The following FERMT2 variants were observed in gnomAD, a reference collection of about 807,000 sequenced individuals.
The protein encoded by FERMT2 is FERM domain containing kindlin 2.
Under a neutral mutation model 82.7 loss-of-function variants are expected in FERMT2, and 15 were observed. That is an observed-to-expected ratio of 0.18 (90% CI 0.12 to 0.28). The LOEUF is 0.28. FERMT2 is among the 10% of genes least tolerant of loss of function. FERMT2 has a pLI of 1.00. For synonymous variants in FERMT2, 274 were observed against 271.5 expected (o/e 1.01, Z -0.09); for missense variants, 645 against 809.4 (o/e 0.80, Z 2.46).
chr14:52,859,359 C>T (rs1275902522), intron 14 of FERMT2: 1 of 451,032 alleles, frequency 2.2e-6, no homozygotes, highest in African/African-American at 2.0e-5. Context: ...AAAAAGGCAA[C>T]ATTCTAAGCA....
chr14:52,882,578 T>C (rs1886357847), intron 4 of FERMT2, among the ~76,000 whole-genome samples: 1 of 152,220 alleles, frequency 6.6e-6, no homozygotes, highest in Non-Finnish European at 1.5e-5. Context: ...CCTGTTGTCA[T>C]AATTTTTCAA....
intron 3 of FERMT2, among the ~76,000 whole-genome samples, chr14:52,911,310 T>A (rs11851905): frequency 6.6e-6 from 1 of 152,024 alleles, no homozygotes; most frequent in Non-Finnish European, 1.5e-5. Context: ...TTCTTAACCA[T>A]TAAAAAAATA....
rs773812477 is a variant in FERMT2, at chr14:52,881,032, G to C, written c.855+4C>G. 7 of 1,591,946 alleles carry C rather than the reference G, an allele frequency of 4.4e-6. No individual in the cohort carries two copies. Among genetic ancestry groups the C allele is most frequent in the Non-Finnish European group, 5.2e-6 (6 of 1,164,542 alleles). ...AAAAAAAGATCCCTTTAAACCCTCG[G>C]TACCTTTGGATTCAAATCAAAAAAG... On this transcript the variant is annotated splice_donor_region_variant and intron_variant, in intron 6 of 14. Coordinates refer to ENST00000341590, the MANE Select transcript of FERMT2 (RefSeq NM_006832.3).
At chr14:52,918,605 C>T (rs1290590427) in intron 3 of FERMT2, among the ~76,000 whole-genome samples, 1 of 152,192 alleles carries the variant, frequency 6.6e-6, no homozygotes, top group East Asian at 1.9e-4. Context: ...TTGAATACTT[C>T]CTGTCATATG....
intron 2 of FERMT2, among the ~76,000 whole-genome samples, chr14:52,924,088 A>C (rs1889114285): frequency 6.6e-6 from 1 of 152,226 alleles, no homozygotes; most frequent in Admixed American, 6.5e-5. Flanking sequence ...CGTGAATTCA[A>C]CAAATACCTG....
intron 2 of FERMT2, among the ~76,000 whole-genome samples, chr14:52,933,540 G>A (rs561989657): frequency 6.6e-5 from 10 of 151,328 alleles, no homozygotes; most frequent in East Asian, 5.9e-4. Flanking sequence ...GAGAAACCTC[G>A]TCTCTACTAA....
intron 3 of FERMT2, among the ~76,000 whole-genome samples, chr14:52,910,105 T>A (rs1283031801): frequency 6.6e-6 from 1 of 152,196 alleles, no homozygotes; most frequent in East Asian, 1.9e-4. Flanking sequence ...TCTTTATTGT[T>A]ACCACTAAAA....
rs1002964154 is a variant in FERMT2, at chr14:52,901,401, T to C, written c.392-7974A>G. Reference sequence around the variant, plus strand: ...TACTGAAGTTTAATATCCCTACCCATGGTTACACAAACACCAATCTAGGTA... The same window carrying C: ...TACTGAAGTTTAATATCCCTACCCACGGTTACACAAACACCAATCTAGGTA... On this transcript the variant is annotated intron_variant, in intron 3 of 14. Coordinates refer to ENST00000341590, the MANE Select transcript of FERMT2 (RefSeq NM_006832.3). Among the ~76,000 whole-genome samples the C allele has an allele frequency of 2.6e-5, 4 of 151,784 alleles. No homozygotes were observed. The East Asian group carries it at 5.8e-4, about 22-fold the overall frequency.
chr14:52,867,863 A>G (rs925950074), intron 10 of FERMT2, among the ~76,000 whole-genome samples: 2 of 152,122 alleles, frequency 1.3e-5, no homozygotes, highest in East Asian at 1.9e-4. Context: ...CTCCTCCCAA[A>G]TAAGTCACCC....
At chr14:52,900,746 G>A (rs889284652) in intron 3 of FERMT2, among the ~76,000 whole-genome samples, 11 of 152,080 alleles carry the variant, frequency 7.2e-5, no homozygotes, top group East Asian at 1.9e-4. Flanking sequence ...AATTTAGTCC[G>A]CCCCAGCATC....
At chr14:52,892,456 G>GT (rs11281193) in intron 4 of FERMT2, among the ~76,000 whole-genome samples, 1,781 of 133,332 alleles carry the variant, frequency 0.013, 51 homozygotes, top group African/African-American at 0.045. Flanking sequence ...GCTGTTTTTT[G>GT]TTTTTTTTTT....
chr14:52,867,254 TTTAC>T (rs1456136510), intron 10 of FERMT2, among the ~76,000 whole-genome samples: 1 of 152,108 alleles, frequency 6.6e-6, no homozygotes, highest in Non-Finnish European at 1.5e-5. Flanking sequence ...TTGTTTCTTA[TTTAC>T]TTCTCAGTGA....
intron 3 of FERMT2, among the ~76,000 whole-genome samples, chr14:52,905,596 T>C (rs796464626): frequency 1.3e-5 from 2 of 152,194 alleles, no homozygotes; most frequent in East Asian, 1.9e-4. Context: ...ACTGAAGACA[T>C]ATCCTCGAGA....
chr14:52,879,432 T>A (rs1886166128), intron 6 of FERMT2, among the ~76,000 whole-genome samples: 1 of 152,120 alleles, frequency 6.6e-6, no homozygotes, highest in Non-Finnish European at 1.5e-5. Flanking sequence ...AATGAGCATA[T>A]CCTTTCAGCA....
chr14:52,902,550 A>G (rs1432352439), intron 3 of FERMT2, among the ~76,000 whole-genome samples: 2 of 151,814 alleles, frequency 1.3e-5, no homozygotes, highest in African/African-American at 2.4e-5. Context: ...TACCTATATA[A>G]CAAACATCCA....
chr14:52,904,278 A>G (rs1265898898), intron 3 of FERMT2, among the ~76,000 whole-genome samples: 1 of 152,232 alleles, frequency 6.6e-6, no homozygotes, highest in Non-Finnish European at 1.5e-5. Flanking sequence ...GCACTTTGGG[A>G]GGCCAAGGTG....
At chr14:52,920,362 G>A (rs1343856032) in intron 2 of FERMT2, among the ~76,000 whole-genome samples, 1 of 152,204 alleles carries the variant, frequency 6.6e-6, no homozygotes, top group Non-Finnish European at 1.5e-5. Context: ...CCAGCGTGGT[G>A]GCTCATGCCT....
At chr14:52,931,138 T>C (rs1889548716) in intron 2 of FERMT2, among the ~76,000 whole-genome samples, 1 of 152,168 alleles carries the variant, frequency 6.6e-6, no homozygotes, top group Admixed American at 6.5e-5. Context: ...ATAAATACTT[T>C]CCAAGTAACT....
At chr14:52,943,971 GAAAC>G (rs916719671) in intron 2 of FERMT2, among the ~76,000 whole-genome samples, 24 of 152,162 alleles carry the variant, frequency 1.6e-4, no homozygotes, top group East Asian at 3.9e-4. Context: ...ACTCTAGTTG[GAAAC>G]AAACAGTTTT....
Sources: allele counts gnomAD v4.1 joint callset (sites outside exome capture counted in the v4.1 genomes callset), GRCh38; gene constraint gnomAD v4.1.1; transcripts MANE v1.5; gene names NCBI Gene and HGNC (gene_info 2026-07-23, HGNC 2026-07-21).